CYP2A13: variants seen among roughly 807,000 people sequenced by gnomAD.
CYP2A13 encodes cytochrome P450 2A13.
Under a neutral mutation model 39.4 loss-of-function variants are expected in CYP2A13, and 30 were observed. That is an observed-to-expected ratio of 0.76 (90% confidence interval 0.57 to 1.03). CYP2A13 has a LOEUF of 1.03. CYP2A13 is among the 50% of genes least tolerant of loss of function. The pLI is 0.00. For missense variants in CYP2A13, 731 were observed against 648.4 expected, an observed-to-expected ratio of 1.13 and a Z score of -1.38; for synonymous variants, 269 against 254.7, an observed-to-expected ratio of 1.06 and a Z score of -0.54.
Position 41,088,465 on chromosome 19 carries a change from T to C in CYP2A13, c.-7T>C, listed in dbSNP as rs1469314717. The C allele has an allele frequency of 6.2e-7, 1 of 1,611,732 alleles. No homozygotes were observed. Among genetic ancestry groups the C allele is most frequent in the Non-Finnish European group, 8.5e-7 (1 of 1,178,512 alleles). ...CAGCCATCACCATCTATCATCCCAC[T>C]GCCACCATGCTGGCCTCAGGGCTGC... On this transcript the variant is annotated 5_prime_UTR_variant, in exon 1 of 9. Coordinates refer to ENST00000330436, the MANE Select transcript of CYP2A13 (RefSeq NM_000766.5).
intron 3 of CYP2A13, 46 bp downstream of exon 3, chr19:41,090,242 G>T: frequency 1.3e-6 from 2 of 1,548,916 alleles, no homozygotes; most frequent in South Asian, 2.5e-5. Flanking sequence ...CGCGCTTTCT[G>T]CCTGGGGATG....
chr19:41,089,482 C>T (rs1004182564), intron 2 of CYP2A13, among the ~76,000 whole-genome samples: 7 of 152,136 alleles, frequency 4.6e-5, no homozygotes, highest in African/African-American at 1.4e-4. Context: ...CCCACTTCTT[C>T]CTCTGTCTTA....
chr19:41,094,977 ATG>A lies in CYP2A13; in HGVS notation c.1181_1182del (p.Met394ThrfsTer25). 1 of 1,614,024 alleles carries A rather than the reference ATG, an allele frequency of 6.2e-7. No individual in the cohort carries two copies. Among genetic ancestry groups the A allele is most frequent in the Non-Finnish European group, 8.5e-7 (1 of 1,179,982 alleles). On this transcript the variant is annotated frameshift_variant, in exon 8 of 9. Transcript: ENST00000330436. LOFTEE classifies it high-confidence loss of function. ...FLPKGTEVFPMLGSVLRDPRF... is the reference protein window; with the variant it reads ...FLPKGTEVFPXLGSVLRDPRF... ...CTCCCAGGGCACTGAAGTGTTCCCTATGCTGGGCTCCGTGCTGAGAGACCCCA... is the reference window on the plus strand; with the variant it reads ...CTCCCAGGGCACTGAAGTGTTCCCTACTGGGCTCCGTGCTGAGAGACCCCA...
chr19:41,089,288 C>T (rs1197124793), intron 2 of CYP2A13, among the ~76,000 whole-genome samples, 197 bp downstream of exon 2: 1 of 152,124 alleles, frequency 6.6e-6, no homozygotes, highest in African/African-American at 2.4e-5. Flanking sequence ...CGTGATTCCT[C>T]CCTGCCTCTC....
intron 5 of CYP2A13, among the ~76,000 whole-genome samples, chr19:41,092,855 G>T (rs1423316882): frequency 6.6e-6 from 1 of 152,186 alleles, no homozygotes; most frequent in East Asian, 1.9e-4. Flanking sequence ...TAAGTTTCAA[G>T]ATTTTTAGGG....
chr19:41,090,346 C>A, intron 3 of CYP2A13, 58 bp from the exon 4 acceptor site: 1 of 1,608,990 alleles, frequency 6.2e-7, no homozygotes, highest in Non-Finnish European at 8.5e-7. Flanking sequence ...AATTCTGACT[C>A]TCCTCAGACC....
rs771934895 is a variant in CYP2A13 at position 41,095,855 on chromosome 19, T to C, written c.1399T>C (p.Ser467Pro). ...GAACTTTCGCTTCAAGTCCCCTCAGTCGCCTAAGGATATCGACGTGTCCCC... is the reference window on the plus strand; with the variant it reads ...GAACTTTCGCTTCAAGTCCCCTCAGCCGCCTAAGGATATCGACGTGTCCCC... ...MQNFRFKSPQ[S>P]PKDIDVSPKH... is the part of the protein sequence containing the mutation. The change falls in exon 9 of 9, where the codon TCG (serine) becomes CCG (proline). Residue 467 changes from serine (S) to proline (P), a missense_variant. Physicochemically the swap from Ser to Pro is moderately conservative, Grantham distance 74 (BLOSUM62 -1). Coordinates refer to ENST00000330436, the MANE Select transcript of CYP2A13 (RefSeq NM_000766.5). 4.3e-6 allele frequency: 7 copies of C among 1,613,930 alleles called. No individual in the cohort carries two copies. Among genetic ancestry groups the C allele is most frequent in the Non-Finnish European group, 5.9e-6 (7 of 1,179,950 alleles).
rs1201378978 is a variant in CYP2A13, at chr19:41,094,956, C to T, written c.1162-3C>T. On this transcript the variant is annotated splice_polypyrimidine_tract_variant and splice_region_variant and intron_variant, in intron 7 of 8. Coordinates refer to ENST00000330436, the MANE Select transcript of CYP2A13 (RefSeq NM_000766.5). ...TTACACACACCTTCCTCCTCCCTCC[C>T]AGGGCACTGAAGTGTTCCCTATGCT... The T allele has an allele frequency of 6.2e-7, 1 of 1,614,076 alleles. No individual in the cohort carries two copies. Among genetic ancestry groups the T allele is most frequent in the Admixed American group, 1.7e-5 (1 of 60,018 alleles).
At chr19:41,095,697 G>T in intron 8 of CYP2A13, 63 bp from the exon 9 acceptor site, 3 of 1,594,532 alleles carry the variant, frequency 1.9e-6, no homozygotes, top group Non-Finnish European at 2.6e-6. Flanking sequence ...CCGGGGGTCA[G>T]TAGGGGTTGA....
chr19:41,088,971 C>T lies in CYP2A13; in HGVS notation c.223C>T (p.Pro75Ser). 6.2e-7 allele frequency: 1 copy of T among 1,613,962 alleles called. No homozygotes were observed. The highest frequency in any genetic ancestry group is 8.5e-7 in the Non-Finnish European group (1 of 1,179,904). ...CCCTGTGTTCACCATTCACTTGGGGCCCCGGCGGGTCGTGGTGCTGTGCGG... is the reference window on the plus strand; with the variant it reads ...CCCTGTGTTCACCATTCACTTGGGGTCCCGGCGGGTCGTGGTGCTGTGCGG... The part of the protein sequence containing the change: ...YGPVFTIHLG[P>S]RRVVVLCGHD... The change falls in exon 2 of 9, where the codon CCC (proline) becomes TCC (serine). Residue 75 changes from proline (P) to serine (S), a missense_variant. Physicochemically the swap from Pro to Ser is moderately conservative, Grantham distance 74. Transcript: ENST00000330436.
rs1270753253 is a variant in CYP2A13, at chr19:41,094,408, G to A, written c.1137G>A (p.Lys379=). Residue 379 remains lysine, a synonymous_variant, in exon 7 of 9, where the codon AAG becomes AAA. Coordinates refer to ENST00000330436, the MANE Select transcript of CYP2A13 (RefSeq NM_000766.5). Reference sequence around the variant, plus strand: ...CCCACAGGGTCAACAAGGACACCAAGTTTCGGGATTTCTTCCTCCCTAAGG... The same window carrying A: ...CCCACAGGGTCAACAAGGACACCAAATTTCGGGATTTCTTCCTCCCTAAGG... ...GLAHRVNKDT[K]FRDFFLPKGT... 1.9e-6 allele frequency: 3 copies of A among 1,613,924 alleles called. No homozygotes were observed. Among genetic ancestry groups the A allele is most frequent in the African/African-American group, 1.3e-5 (1 of 74,880 alleles).
chr19:41,092,971 C>A (rs1400948990), intron 5 of CYP2A13, among the ~76,000 whole-genome samples: 5 of 152,134 alleles, frequency 3.3e-5, no homozygotes, highest in African/African-American at 9.6e-5. Context: ...TCTTCGTCTC[C>A]CCTCATCCTT....
intron 5 of CYP2A13, among the ~76,000 whole-genome samples, chr19:41,093,199 CGT>C (rs1373926300): frequency 6.7e-6 from 1 of 149,964 alleles, no homozygotes; most frequent in Non-Finnish European, 1.5e-5. Flanking sequence ...AGAATAAGAC[CGT>C]GTCTCAAAAA....
intron 3 of CYP2A13, 57 bp downstream of exon 3, chr19:41,090,253 G>A: frequency 6.5e-7 from 1 of 1,548,234 alleles, no homozygotes; most frequent in East Asian, 2.3e-5. Flanking sequence ...CCTGGGGATG[G>A]GGACTAGGTG....
In CYP2A13 at chr19:41,091,869, A is replaced by G; in HGVS notation, c.792A>G (p.Pro264=). The change falls in exon 5 of 9, where the codon CCA becomes CCG. Residue 264 remains proline, a synonymous_variant. Transcript: ENST00000330436. ...AGCGCACGCTGGATCCCAATTCCCC[A>G]CGGGACTTCATCGACTCCTTTCTCA... ...HNQRTLDPNS[P]RDFIDSFLIR... 1 of 1,614,142 alleles carries G rather than the reference A, an allele frequency of 6.2e-7. No individual in the cohort carries two copies. Among genetic ancestry groups the G allele is most frequent in the Non-Finnish European group, 8.5e-7 (1 of 1,180,030 alleles).
Position 41,094,240 on chromosome 19 carries a change from C to T in CYP2A13, c.974-5C>T. On this transcript the variant is annotated splice_polypyrimidine_tract_variant and splice_region_variant and intron_variant, in intron 6 of 8. Transcript: ENST00000330436. ...ACACCTAAACACATTCCCCTCCTCCCCCAGCCAAGGTCCATGAGGAGATTG... is the reference window on the plus strand; with the variant it reads ...ACACCTAAACACATTCCCCTCCTCCTCCAGCCAAGGTCCATGAGGAGATTG... The T allele has an allele frequency of 6.2e-7, 1 of 1,613,676 alleles. No individual in the cohort carries two copies. The highest frequency in any genetic ancestry group is 8.5e-7 in the Non-Finnish European group (1 of 1,179,676).
In CYP2A13 at chr19:41,090,178, G is replaced by A. The variant is rs1382323602; in HGVS notation, c.475G>A (p.Ala159Thr). ...IQEEAGFLID[A>T]LRGTHGANID... The stretch of plus-strand genomic sequence containing the variant: ...GGAGGAGGCGGGCTTCCTCATCGAC[G>A]CCCTCCGGGGCACGCACGGTGAGTA... Residue 159 changes from alanine to threonine, a missense_variant, in exon 3 of 9, where the codon GCC (alanine) becomes ACC (threonine). Transcript: ENST00000330436. The A allele has an allele frequency of 6.3e-7, 1 of 1,581,172 alleles. No homozygotes were observed. Among genetic ancestry groups the A allele is most frequent in the Non-Finnish European group, 8.6e-7 (1 of 1,162,986 alleles).
Position 41,093,674 on chromosome 19 carries a change from G to A in CYP2A13, c.876G>A (p.Val292=), listed in dbSNP as rs1172405779. The A allele has an allele frequency of 6.2e-7, 1 of 1,614,160 alleles. No individual in the cohort carries two copies. The highest frequency in any genetic ancestry group is 8.5e-7 in the Non-Finnish European group (1 of 1,180,026). The change falls in exon 6 of 9, where the codon GTG becomes GTA. Residue 292 remains valine (V), a synonymous_variant. Transcript: ENST00000330436. ...CAGAGTTCTACTTGAAGAACCTGGT[G>A]ATGACCACCCTGAACCTCTTCTTTG... ...PNTEFYLKNL[V]MTTLNLFFAG... is the part of the protein sequence containing the mutation.
rs766429591 is a variant in CYP2A13, at chr19:41,094,346, A to C, written c.1075A>C (p.Ile359Leu). ...MPYTEAVIHE[I>L]QRFGDMLPMG... Reference sequence around the variant, plus strand: ...CTACACAGAGGCAGTGATCCACGAGATCCAAAGATTTGGAGACATGCTCCC... The same window carrying C: ...CTACACAGAGGCAGTGATCCACGAGCTCCAAAGATTTGGAGACATGCTCCC... Residue 359 changes from isoleucine to leucine, a missense_variant, in exon 7 of 9, where the codon ATC becomes CTC. Physicochemically the swap from Ile to Leu is conservative, Grantham distance 5. Coordinates refer to ENST00000330436, the MANE Select transcript of CYP2A13 (RefSeq NM_000766.5). The C allele has an allele frequency of 6.2e-7, 1 of 1,614,092 alleles. No individual in the cohort carries two copies. Among genetic ancestry groups the C allele is most frequent in the East Asian group, 2.2e-5 (1 of 44,878 alleles).
Sources: allele counts gnomAD v4.1 joint callset (sites outside exome capture counted in the v4.1 genomes callset), GRCh38; gene constraint gnomAD v4.1.1; transcripts MANE v1.5; gene names NCBI Gene and HGNC (gene_info 2026-07-23, HGNC 2026-07-21).